The following SCUBE1 variants were observed in gnomAD, a reference collection of about 807,000 sequenced individuals.
SCUBE1 encodes signal peptide, CUB and EGF-like domain-containing protein 1.
SCUBE1 carries 59 observed loss-of-function variants against 124.4 expected under a neutral mutation model. The ratio of observed to expected loss-of-function variants is 0.47; its 90% confidence interval spans 0.38 to 0.59. SCUBE1 has a LOEUF of 0.59. Among genes scored for constraint, SCUBE1 ranks in the 20% least tolerant of loss-of-function variants. SCUBE1 has a pLI of 0.00. For missense variants in SCUBE1, 1,150 were observed against 1,371.2 expected (o/e 0.84, Z 2.55); for synonymous variants, 545 against 550.9 (o/e 0.99, Z 0.15).
Position 43,219,373 on chromosome 22 carries a change from C to T in SCUBE1, c.1688-915G>A, listed in dbSNP as rs531204034. On this transcript the variant is annotated intron_variant, in intron 14 of 21. Transcript: ENST00000360835. ...GGCCTCGCCAGGCAGATGCTGCTGC[C>T]GTGTTCTCGGACAGCCTGCAGAGCC... Among the ~76,000 whole-genome samples the T allele has an allele frequency of 9.2e-5, 14 of 152,266 alleles. No homozygotes were observed. The South Asian group carries it at 1.7e-3, about 18-fold the overall frequency.
Position 43,203,820 on chromosome 22 carries a change from CAG to C in SCUBE1, c.*175_*176del. 4.9e-6 allele frequency: 3 copies of C among 613,324 alleles called. No individual in the cohort carries two copies. The highest frequency in any genetic ancestry group is 8.3e-6 in the Non-Finnish European group (3 of 360,200). 38.0% of individuals were successfully genotyped at this position (613,324 alleles called of 1,614,324 possible). On this transcript the variant is annotated 3_prime_UTR_variant, in exon 22 of 22. Transcript: ENST00000360835. Reference sequence around the variant, plus strand: ...GGCTTCCTGAAGCAGGGTGCTCCCACAGGGGCAGCGGGTCCGAAGGGTGCCTG... The same window carrying C: ...GGCTTCCTGAAGCAGGGTGCTCCCACGGGCAGCGGGTCCGAAGGGTGCCTG...
rs1308233261 is a variant in SCUBE1 at position 43,201,120 on chromosome 22, G to A, written c.*2877C>T. On this transcript the variant is annotated 3_prime_UTR_variant, in exon 22 of 22. Coordinates refer to ENST00000360835, the MANE Select transcript of SCUBE1 (RefSeq NM_173050.5). ...AGATCGAGACCATCCTGGCTAATATGGTGAAACCCTGTCTCTACTAAAAAT... is the reference window on the plus strand; with the variant it reads ...AGATCGAGACCATCCTGGCTAATATAGTGAAACCCTGTCTCTACTAAAAAT... The A allele has an allele frequency of 6.6e-6, 1 of 151,812 alleles. No individual in the cohort carries two copies. The highest frequency in any genetic ancestry group is 1.5e-5 in the Non-Finnish European group (1 of 67,962). 9.4% of individuals were successfully genotyped at this position (151,812 alleles called of 1,614,324 possible).
chr22:43,317,821 T>C (rs1274583444), intron 3 of SCUBE1, among the ~76,000 whole-genome samples: 2 of 152,212 alleles, frequency 1.3e-5, no homozygotes, highest in Non-Finnish European at 2.9e-5. Flanking sequence ...AATAAGGTCT[T>C]GGCAGATGTC....
intron 3 of SCUBE1, among the ~76,000 whole-genome samples, chr22:43,318,659 C>A (rs1209724302): frequency 1.3e-5 from 2 of 152,298 alleles, no homozygotes; most frequent in Admixed American, 6.5e-5. Flanking sequence ...AACTAAGACG[C>A]CTGCCAATTT....
intron 4 of SCUBE1, among the ~76,000 whole-genome samples, chr22:43,279,501 G>A (rs1013013596): frequency 3.9e-5 from 6 of 152,198 alleles, no homozygotes; most frequent in Admixed American, 2.0e-4. Flanking sequence ...CCCCTATTGC[G>A]GCAGCCCTCA....
rs1048299241 is a variant in SCUBE1, at chr22:43,210,484, C to G, written c.2384-244G>C. On this transcript the variant is annotated intron_variant, in intron 18 of 21. Transcript: ENST00000360835. This position sits in a 1 kb window ranked among gnomAD's most constrained non-coding sequence, Gnocchi z 4.5. ...CTGAGGCCCAGCCTGGGGGCTTCTT[C>G]TTACTGGGCTGCCATGCCTGCAGGC... Among the ~76,000 whole-genome samples, 1 of 152,192 alleles carries G rather than the reference C, an allele frequency of 6.6e-6. No individual in the cohort carries two copies. The highest frequency in any genetic ancestry group is 6.5e-5 in the Admixed American group (1 of 15,292).
At chr22:43,277,219 C>A (rs975480817) in intron 4 of SCUBE1, among the ~76,000 whole-genome samples, 1 of 151,992 alleles carries the variant, frequency 6.6e-6, no homozygotes, top group Non-Finnish European at 1.5e-5. Flanking sequence ...GGGCAGAGGC[C>A]GGGATGAGAA....
chr22:43,291,869 G>GA (rs1925373341), intron 3 of SCUBE1, among the ~76,000 whole-genome samples: 1 of 152,142 alleles, frequency 6.6e-6, no homozygotes, highest in African/African-American at 2.4e-5. Flanking sequence ...TATAGATGAG[G>GA]AAACTTAGGT....
chr22:43,240,034 T>C lies in SCUBE1; in HGVS notation c.728-1080A>G, dbSNP rs186882848. On this transcript the variant is annotated intron_variant, in intron 6 of 21. Coordinates refer to ENST00000360835, the MANE Select transcript of SCUBE1 (RefSeq NM_173050.5). The stretch of plus-strand genomic sequence containing the variant: ...ACTCCCTGGTGCTAATTAAATGAAA[T>C]GCATGGTGCCTTTCCTTTGAACTTC... Among the ~76,000 whole-genome samples, 23 of 152,246 alleles carry C rather than the reference T, an allele frequency of 1.5e-4. No homozygotes were observed. In the East Asian group the frequency reaches 4.1e-3, roughly 27 times the overall value.
intron 21 of SCUBE1, among the ~76,000 whole-genome samples, chr22:43,205,907 A>C (rs1038500283): frequency 7.5e-4 from 21 of 27,896 alleles, no homozygotes; most frequent in Non-Finnish European, 1.1e-3. Flanking sequence ...AAACACCCCC[A>C]CCCCCACTCA....
rs996517252 is a variant in SCUBE1 at position 43,234,459 on chromosome 22, C to A, written c.845-2584G>T. ...CCTCAGGCCTTCCAGAGCCCCCAGC[C>A]CCATCCCCTGCCCCATCTGGGCCTG... On this transcript the variant is annotated intron_variant, in intron 7 of 21. Coordinates refer to ENST00000360835, the MANE Select transcript of SCUBE1 (RefSeq NM_173050.5). The surrounding 1 kb of genome is among the most constrained non-coding windows in gnomAD (Gnocchi z 4.4). Among the ~76,000 whole-genome samples, 4 of 152,228 alleles carry A rather than the reference C, an allele frequency of 2.6e-5. No homozygotes were observed. The highest frequency in any genetic ancestry group is 1.5e-5 in the Non-Finnish European group (1 of 68,034).
intron 4 of SCUBE1, among the ~76,000 whole-genome samples, chr22:43,287,703 G>C (rs1210641560): frequency 6.6e-6 from 1 of 152,232 alleles, no homozygotes; most frequent in Non-Finnish European, 1.5e-5. Flanking sequence ...AGGTGATAGG[G>C]GGAATCTAAT....
At chr22:43,292,595 A>ACACACACACACACT (rs1394593144) in intron 3 of SCUBE1, among the ~76,000 whole-genome samples, 2 of 149,880 alleles carry the variant, frequency 1.3e-5, no homozygotes. Flanking sequence ...ACACACACAC[A>ACACACACACACACT]CTCTTCGGTG....
At chr22:43,273,329 G>A (rs1012312559) in intron 4 of SCUBE1, among the ~76,000 whole-genome samples, 32 of 152,224 alleles carry the variant, frequency 2.1e-4, no homozygotes, top group African/African-American at 5.3e-4. Context: ...TCCTGGCACC[G>A]GGAACCCCTA....
At chr22:43,261,851 G>A (rs1601837945) in intron 5 of SCUBE1, among the ~76,000 whole-genome samples, 1 of 152,184 alleles carries the variant, frequency 6.6e-6, no homozygotes, top group African/African-American at 2.4e-5. Context: ...ACATCGCTTT[G>A]GGTATCCCTG....
At chr22:43,341,228 C>G (rs1484355091) in intron 1 of SCUBE1, among the ~76,000 whole-genome samples, 1 of 151,166 alleles carries the variant, frequency 6.6e-6, no homozygotes, top group African/African-American at 2.4e-5. Flanking sequence ...GACAAGGAGG[C>G]AGGAACTGGA....
intron 1 of SCUBE1, among the ~76,000 whole-genome samples, chr22:43,341,076 C>T (rs949099530): frequency 2.1e-5 from 3 of 139,636 alleles, no homozygotes; most frequent in African/African-American, 8.9e-5. Flanking sequence ...CAGCATGACC[C>T]CCCTGCACAC....
intron 2 of SCUBE1, among the ~76,000 whole-genome samples, chr22:43,327,824 C>T (rs918867166): frequency 2.0e-5 from 3 of 152,178 alleles, no homozygotes; most frequent in Non-Finnish European, 4.4e-5. Context: ...CAGATACTAA[C>T]ATTGATTGTG....
At position 43,212,518 on chromosome 22, in the gene SCUBE1, G is replaced by A. The variant is rs1373035797; in HGVS notation, c.2128C>T (p.Pro710Ser). The A allele has an allele frequency of 6.4e-7, 1 of 1,559,970 alleles. No homozygotes were observed. The highest frequency in any genetic ancestry group is 1.9e-5 in the Admixed American group (1 of 52,234). ...CQACPVGTYQ[P>S]EPGRTGCFPC... ...AAGCAGCCGGTGCGCCCGGGCTCAG[G>A]CTGGTACGTGCCCACGGGGCAGGCC... Residue 710 changes from proline (P) to serine (S), a missense_variant, in exon 17 of 22, where the codon CCT becomes TCT. Pro to Ser is a moderately conservative substitution (Grantham distance 74). Around this residue, in one of 3 missense-constraint regions of SCUBE1, gnomAD observed 757 missense variants for 840.9 expected, o/e 0.90. Transcript: ENST00000360835.
Sources: gnomAD v4.1 joint callset for allele counts (sites outside exome capture counted in the v4.1 genomes callset) on GRCh38, gnomAD v4.1.1 for gene constraint, gnomAD v4.1.1 regional missense constraint, Gnocchi (gnomAD v3.1) non-coding constraint, MANE v1.5 for transcripts, NCBI Gene and HGNC (gene_info 2026-07-23, HGNC 2026-07-21) for gene names.